Variants in SEC31A observed in about 807,000 individuals in gnomAD.
The protein encoded by SEC31A is SEC31 homolog A, COPII component.
A neutral mutation model predicts 151.0 loss-of-function variants in SEC31A; 70 were observed. The ratio of observed to expected loss-of-function variants is 0.46; its 90% CI spans 0.38 to 0.57. The LOEUF is 0.57. Among genes scored for constraint, SEC31A ranks in the 20% least tolerant of loss-of-function variants. SEC31A has a pLI of 0.00. For missense variants in SEC31A, 1,330 were observed against 1,471.2 expected (o/e 0.90, Z 1.57); for synonymous variants, 475 against 505.9 (o/e 0.94, Z 0.82).
At chr4:82,851,774 G>C (rs1731505202) in intron 18 of SEC31A, among the ~76,000 whole-genome samples, 170 bp from the exon 19 acceptor site, 1 of 152,158 alleles carries the variant, frequency 6.6e-6, no homozygotes, top group African/African-American at 2.4e-5. Flanking sequence ...AAAGTAGTAA[G>C]GAGGAAGAAG....
At chr4:82,852,049 C>T (rs1731561630) in intron 18 of SEC31A, among the ~76,000 whole-genome samples, 1 of 152,088 alleles carries the variant, frequency 6.6e-6, no homozygotes, top group Middle Eastern at 3.2e-3. Context: ...TGGGAGAAAC[C>T]CAGTGGGAGG....
intron 7 of SEC31A, 172 bp downstream of exon 7, chr4:82,871,772 G>C (rs1267495100): frequency 2.8e-6 from 2 of 704,390 alleles, no homozygotes; most frequent in African/African-American, 3.6e-5. Flanking sequence ...CTGGGAGGCA[G>C]AGGTTGCAGT....
intron 6 of SEC31A, 35 bp from the exon 7 acceptor site, chr4:82,872,121 A>C (rs4693059): frequency 0.014 from 20,936 of 1,549,632 alleles, 415 homozygotes; most frequent in Admixed American, 0.093. Context: ...TTATGAATCA[A>C]ATTACTTTAT....
At chr4:82,861,483 G>A in intron 14 of SEC31A, 148 bp downstream of exon 14, 1 of 564,590 alleles carries the variant, frequency 1.8e-6, no homozygotes, top group South Asian at 2.5e-5. Context: ...AGTATAGGTA[G>A]ATAGATTCCT....
At chr4:82,846,931 T>G (rs1024990622) in intron 20 of SEC31A, among the ~76,000 whole-genome samples, 2 of 152,198 alleles carry the variant, frequency 1.3e-5, no homozygotes, top group Admixed American at 1.3e-4. Context: ...GCCAGGCTGG[T>G]CTCGAACTCC....
chr4:82,822,205 T>C (rs1429450604), intron 25 of SEC31A, among the ~76,000 whole-genome samples: 1 of 152,222 alleles, frequency 6.6e-6, no homozygotes, highest in Non-Finnish European at 1.5e-5. Flanking sequence ...TTGTATGTCA[T>C]GTAGCTCATA....
intron 11 of SEC31A, 104 bp downstream of exon 11, chr4:82,864,258 A>C: frequency 1.2e-6 from 1 of 816,058 alleles, no homozygotes; most frequent in South Asian, 1.8e-5. Context: ...TGCTGAAATC[A>C]CACTTTTTCA....
chr4:82,846,495 A>G (rs28820972), intron 20 of SEC31A, among the ~76,000 whole-genome samples: 1 of 150,984 alleles, frequency 6.6e-6, no homozygotes, highest in Non-Finnish European at 1.5e-5. Context: ...AGTGTGCCTG[A>G]CTCTCCTGCC....
intron 22 of SEC31A, among the ~76,000 whole-genome samples, chr4:82,840,816 C>A (rs1443791673): frequency 3.3e-5 from 5 of 152,052 alleles, no homozygotes; most frequent in African/African-American, 1.2e-4. Flanking sequence ...AAATATGGTA[C>A]AAAAGATTTA....
At chr4:82,828,696 A>AAAAAAAAAAAAAAAAAC (rs1422694870) in intron 23 of SEC31A, among the ~76,000 whole-genome samples, 1 of 150,352 alleles carries the variant, frequency 6.7e-6, no homozygotes, top group Non-Finnish European at 1.5e-5. Flanking sequence ...AAAAAAAAAA[A>AAAAAAAAAAAAAAAAAC]AGAAAGCAAC....
chr4:82,886,656 A>G (rs749899662), intron 1 of SEC31A, among the ~76,000 whole-genome samples: 3 of 152,214 alleles, frequency 2.0e-5, no homozygotes, highest in Non-Finnish European at 4.4e-5. Context: ...CTGATCTTTA[A>G]TAATAAATTC....
At chr4:82,823,268 GTGT>G (rs547990709) in intron 25 of SEC31A, among the ~76,000 whole-genome samples, 241 of 152,316 alleles carry the variant, frequency 1.6e-3, no homozygotes, top group African/African-American at 5.6e-3. Context: ...AAGAATTGGT[GTGT>G]TGTCATTCTT....
intron 23 of SEC31A, 115 bp downstream of exon 23, chr4:82,828,885 A>G: frequency 1.3e-6 from 1 of 741,814 alleles, no homozygotes; most frequent in Non-Finnish European, 2.3e-6. Context: ...CACTTTAAAT[A>G]CATCACTCAG....
intron 22 of SEC31A, among the ~76,000 whole-genome samples, chr4:82,835,474 A>G (rs945584290): frequency 6.6e-6 from 1 of 152,232 alleles, no homozygotes; most frequent in Admixed American, 6.5e-5. Context: ...CTTTAAGGGC[A>G]TGGAAAAATG....
chr4:82,876,197 G>A (rs542265479), intron 4 of SEC31A, among the ~76,000 whole-genome samples: 10 of 146,228 alleles, frequency 6.8e-5, no homozygotes, highest in South Asian at 4.3e-4. Flanking sequence ...CACAACTTCC[G>A]CCTCCCGGGT....
At chr4:82,836,101 G>A (rs1055460008) in intron 22 of SEC31A, among the ~76,000 whole-genome samples, 12 of 152,248 alleles carry the variant, frequency 7.9e-5, no homozygotes, top group African/African-American at 1.7e-4. Context: ...TTGGCCGGGC[G>A]CGGTGGCTCA....
intron 22 of SEC31A, among the ~76,000 whole-genome samples, chr4:82,838,277 G>T (rs1042633358): frequency 6.6e-6 from 1 of 152,114 alleles, no homozygotes; most frequent in African/African-American, 2.4e-5. Flanking sequence ...TGAAGTACAA[G>T]ATTATATACA....
At chr4:82,886,466 C>T (rs1740735449) in intron 1 of SEC31A, among the ~76,000 whole-genome samples, 1 of 152,152 alleles carries the variant, frequency 6.6e-6, no homozygotes, top group African/African-American at 2.4e-5. Context: ...AAAAAGTGCT[C>T]AGCACATGGG....
chr4:82,867,584 C>G (rs922897538), intron 8 of SEC31A, among the ~76,000 whole-genome samples: 4 of 152,070 alleles, frequency 2.6e-5, no homozygotes, highest in Non-Finnish European at 5.9e-5. Context: ...TTTCTGTGTT[C>G]AAAATAATGG....
Sources: gnomAD v4.1 joint callset for allele counts (sites outside exome capture counted in the v4.1 genomes callset) on GRCh38, gnomAD v4.1.1 for gene constraint, MANE v1.5 for transcripts, NCBI Gene and HGNC (gene_info 2026-07-23, HGNC 2026-07-21) for gene names.